OR2I1: variants seen among roughly 807,000 people sequenced by gnomAD.
OR2I1 encodes the protein olfactory receptor family 2 subfamily I member 1 (gene/pseudogene), also known as putative olfactory receptor 2I1.
the OR2I1 span, chr6:29,557,316 C>T: frequency 6.6e-6 from 1 of 151,562 alleles, no homozygotes; most frequent in Non-Finnish European, 1.5e-5. Context: ...CCGTGTTCCA[C>T]AAGCCATAAC....
the OR2I1 span, chr6:29,550,618 C>T: frequency 1.3e-5 from 2 of 152,218 alleles, no homozygotes; most frequent in African/African-American, 4.8e-5. Flanking sequence ...CTTTCTTACC[C>T]GTTCTTTTTA....
chr6:29,555,910 G>T, the OR2I1 span: 2 of 1,613,044 alleles, frequency 1.2e-6, no homozygotes, highest in Non-Finnish European at 1.7e-6. Flanking sequence ...ATGCCAGGAA[G>T]AGTAAGTTGC....
At chr6:29,553,628 C>T in the OR2I1 span, 2 of 398,302 alleles carry the variant, frequency 5.0e-6, no homozygotes, top group Non-Finnish European at 8.9e-6. Context: ...CTCGTCTCCC[C>T]GCGCCTATGT....
At chr6:29,551,741 A>G in the OR2I1 span, among the ~76,000 whole-genome samples, 1 of 152,222 alleles carries the variant, frequency 6.6e-6, no homozygotes, top group Admixed American at 6.5e-5. Context: ...CATATGAGGA[A>G]ACTGAGGCAG....
At chr6:29,556,520 T>C in the OR2I1 span, 26 of 576,738 alleles carry the variant, frequency 4.5e-5, no homozygotes, top group Middle Eastern at 7.9e-4. Context: ...ATTACCAAGT[T>C]ACAACACAAA....
chr6:29,557,197 C>T, the OR2I1 span: 1 of 152,302 alleles, frequency 6.6e-6, no homozygotes, highest in Admixed American at 6.5e-5. Flanking sequence ...TGTTCTGCCA[C>T]AAAGTTTTTT....
the OR2I1 span, among the ~76,000 whole-genome samples, chr6:29,551,178 A>G: frequency 6.0e-4 from 91 of 152,328 alleles, no homozygotes; most frequent in Non-Finnish European, 1.1e-3. Flanking sequence ...TAATCACCGC[A>G]TTAAAGAATT....
At chr6:29,551,097 G>A in the OR2I1 span, among the ~76,000 whole-genome samples, 203 of 152,284 alleles carry the variant, frequency 1.3e-3, no homozygotes, top group African/African-American at 4.2e-3. Flanking sequence ...TTGTGTGCCT[G>A]TTTTCATGGT....
At chr6:29,552,780 G>A in the OR2I1 span, 2 of 153,828 alleles carry the variant, frequency 1.3e-5, no homozygotes, top group African/African-American at 4.8e-5. Context: ...GATTGGTTGA[G>A]CTTAAGTTCT....
the OR2I1 span, among the ~76,000 whole-genome samples, chr6:29,552,044 T>C: frequency 6.6e-6 from 1 of 152,244 alleles, no homozygotes; most frequent in African/African-American, 2.4e-5. Context: ...TCAGGAGTCA[T>C]GCAGCAGAAA....
At chr6:29,555,653 A>G in the OR2I1 span, 2 of 518,422 alleles carry the variant, frequency 3.9e-6, no homozygotes, top group South Asian at 3.6e-5. Context: ...TTTATTTACT[A>G]GTCTCAGTAA....
At chr6:29,556,311 C>T in the OR2I1 span, 3 of 1,612,798 alleles carry the variant, frequency 1.9e-6, no homozygotes, top group Non-Finnish European at 2.5e-6. Flanking sequence ...GGGTTGGCAT[C>T]AAAGGTCATT....
the OR2I1 span, chr6:29,556,580 G>C: frequency 1.9e-6 from 1 of 517,392 alleles, no homozygotes; most frequent in Non-Finnish European, 3.4e-6. Flanking sequence ...TTTCGATCTT[G>C]AGAATGGAAA....
the OR2I1 span, chr6:29,555,665 A>G: frequency 3.5e-6 from 2 of 567,308 alleles, no homozygotes; most frequent in South Asian, 2.5e-5. Context: ...TCTCAGTAAT[A>G]CATTAGTAAA....
chr6:29,556,620 C>T, the OR2I1 span: 4 of 470,100 alleles, frequency 8.5e-6, no homozygotes, highest in African/African-American at 3.9e-5. Context: ...ACCAACTGAA[C>T]GGACGCTCTT....
the OR2I1 span, chr6:29,550,431 C>CCTT: frequency 0.55 from 82,683 of 151,668 alleles, 23,333 homozygotes; most frequent in African/African-American, 0.7. Flanking sequence ...CATGCTTCCT[C>CCTT]CTCTCTAACT....
the OR2I1 span, chr6:29,552,995 A>C: frequency 2.7e-6 from 1 of 367,438 alleles, no homozygotes. Context: ...CATTCTGCCT[A>C]CCGAGTGTTG....
chr6:29,554,035 T>C, the OR2I1 span: 112 of 398,860 alleles, frequency 2.8e-4, 9 homozygotes, highest in South Asian at 1.4e-3. Context: ...ACGGGGCAAG[T>C]TCGTATCGCT....
At chr6:29,555,476 G>A in the OR2I1 span, 91 of 194,144 alleles carry the variant, frequency 4.7e-4, 2 homozygotes, top group South Asian at 2.2e-3. Flanking sequence ...TAAAGCACTG[G>A]ACTTAACAAA....
Sources: gnomAD v4.1 joint callset for allele counts (sites outside exome capture counted in the v4.1 genomes callset) on GRCh38, gnomAD v4.1.1 for gene constraint, MANE v1.5 for transcripts, NCBI Gene and HGNC (gene_info 2026-07-23, HGNC 2026-07-21) for gene names.